The following AXDND1 variants were observed in gnomAD, a reference collection of about 807,000 sequenced individuals.
AXDND1 encodes the protein axonemal dynein light chain domain-containing protein 1.
AXDND1 carries 110 observed loss-of-function variants against 137.5 expected under a neutral mutation model. The observed-to-expected ratio is 0.80, with a 90% CI of 0.69 to 0.94. The LOEUF (loss-of-function observed/expected upper bound fraction) is 0.94, where lower values mean the gene tolerates loss of function less well. AXDND1 is among the 40% of genes least tolerant of loss of function. AXDND1 has a pLI of 0.00. For synonymous variants in AXDND1, 414 were observed against 399.7 expected, an observed-to-expected ratio of 1.04 and a Z score of -0.43; for missense variants, 1,191 against 1,169.8, an observed-to-expected ratio of 1.02 and a Z score of -0.26.
intron 20 of AXDND1, among the ~76,000 whole-genome samples, chr1:179,507,780 A>T (rs1668673125): frequency 5.1e-5 from 1 of 19,734 alleles, no homozygotes; most frequent in African/African-American, 8.7e-5. Context: ...AGCTTCATTA[A>T]AAAAAAAAAG....
chr1:179,509,415 A>G lies in AXDND1; in HGVS notation c.2496+12A>G, dbSNP rs766245504. On this transcript the variant is annotated intron_variant, in intron 21 of 25. Transcript: ENST00000367618. ...GGCTACTTGAAGAGGTATTTGCCAC[A>G]TGTTAGCGTTGGTCATTATTCAGAT... 14 of 1,496,412 alleles carry G rather than the reference A, an allele frequency of 9.4e-6. No individual in the cohort carries two copies. Among genetic ancestry groups the G allele is most frequent in the Non-Finnish European group, 1.2e-5 (13 of 1,075,370 alleles). The allele number at this position is 1,496,412 out of a possible 1,614,324, so 92.7% of individuals were successfully genotyped here. A position where few individuals can be genotyped will look rare whatever the true frequency, so the allele number is the denominator to read the frequency against.
chr1:179,475,113 T>A (rs1664449188), intron 17 of AXDND1, among the ~76,000 whole-genome samples: 1 of 152,192 alleles, frequency 6.6e-6, no homozygotes, highest in Non-Finnish European at 1.5e-5. Flanking sequence ...AGAGGATGTA[T>A]GGAAGTGCTT....
chr1:179,401,643 G>A (rs1652071415), intron 11 of AXDND1, among the ~76,000 whole-genome samples: 1 of 152,054 alleles, frequency 6.6e-6, no homozygotes, highest in African/African-American at 2.4e-5. Flanking sequence ...CACGTGTTGT[G>A]GGAGGGACTT....
intron 23 of AXDND1, among the ~76,000 whole-genome samples, chr1:179,532,591 G>A (rs1432929713): frequency 6.6e-6 from 1 of 152,070 alleles, no homozygotes; most frequent in East Asian, 1.9e-4. Flanking sequence ...TAGCATAAAA[G>A]GGAAGAAGTT....
intron 9 of AXDND1, 67 bp from the exon 10 acceptor site, chr1:179,393,836 T>C: frequency 6.9e-7 from 1 of 1,441,958 alleles, no homozygotes; most frequent in South Asian, 1.5e-5. Context: ...TACATTGATT[T>C]TGTAACCTGA....
In AXDND1 at chr1:179,378,567, A is replaced by C. The variant is rs921376938; in HGVS notation, c.375-70A>C. 4.0e-6 allele frequency: 5 copies of C among 1,247,648 alleles called. No homozygotes were observed. In the South Asian group the frequency reaches 5.7e-5, roughly 14 times the overall value. The allele number at this position is 1,247,648 out of a possible 1,614,324, so 77.3% of individuals were successfully genotyped here. A position where few individuals can be genotyped will look rare whatever the true frequency, so the allele number is the denominator to read the frequency against. On this transcript the variant is annotated intron_variant, in intron 4 of 25. Transcript: ENST00000367618. ...TTACCCATTAGAAGGATATGTGTGG[A>C]TCTCACCTGCTGTTATGTGGTATCC...
intron 20 of AXDND1, among the ~76,000 whole-genome samples, chr1:179,498,119 A>C (rs534923577): frequency 2.1e-3 from 316 of 151,792 alleles, no homozygotes; most frequent in Admixed American, 3.7e-3. Context: ...ATTCCTATCA[A>C]ACTATCAATG....
intron 17 of AXDND1, among the ~76,000 whole-genome samples, chr1:179,475,189 C>T (rs879267697): frequency 5.3e-5 from 8 of 152,184 alleles, no homozygotes; most frequent in Non-Finnish European, 8.8e-5. Context: ...TAGGGCAGTA[C>T]GAAAGGGAAA....
intron 16 of AXDND1, among the ~76,000 whole-genome samples, chr1:179,457,870 C>T (rs980922733): frequency 2.6e-5 from 4 of 152,138 alleles, no homozygotes; most frequent in African/African-American, 9.7e-5. Context: ...GCTGTTGTTA[C>T]TTGATTGACT....
chr1:179,429,873 A>G (rs963813424), intron 13 of AXDND1, among the ~76,000 whole-genome samples: 7 of 151,036 alleles, frequency 4.6e-5, no homozygotes, highest in Middle Eastern at 3.4e-3. Context: ...CTATTGATTC[A>G]TGGTTAAAGT....
chr1:179,534,323 C>T (rs1558313452), intron 24 of AXDND1, among the ~76,000 whole-genome samples: 1 of 152,178 alleles, frequency 6.6e-6, no homozygotes, highest in Non-Finnish European at 1.5e-5. Flanking sequence ...AAGCACATCT[C>T]AAGCTGGTTT....
chr1:179,527,251 T>C (rs1423031042), intron 22 of AXDND1, among the ~76,000 whole-genome samples: 4 of 152,130 alleles, frequency 2.6e-5, no homozygotes, highest in African/African-American at 7.2e-5. Context: ...ATGGCGCTGA[T>C]GGGAGTATAG....
intron 9 of AXDND1, among the ~76,000 whole-genome samples, chr1:179,392,439 T>C (rs905135979): frequency 5.3e-5 from 8 of 152,230 alleles, no homozygotes; most frequent in Admixed American, 3.3e-4. Context: ...TAAACATGCA[T>C]GTGCATGTGT....
chr1:179,424,867 A>G (rs1482888473), intron 12 of AXDND1, among the ~76,000 whole-genome samples: 1 of 152,104 alleles, frequency 6.6e-6, no homozygotes, highest in Admixed American at 6.5e-5. Context: ...CAGCAAATGT[A>G]TTTCTCAATT....
At chr1:179,484,994 C>G (rs1418378057) in intron 18 of AXDND1, among the ~76,000 whole-genome samples, 1 of 151,360 alleles carries the variant, frequency 6.6e-6, no homozygotes, top group East Asian at 1.9e-4. Flanking sequence ...GACCTGCCTC[C>G]CACCTTGTGC....
intron 17 of AXDND1, among the ~76,000 whole-genome samples, chr1:179,479,910 T>C (rs1397764725): frequency 6.6e-6 from 1 of 151,954 alleles, no homozygotes; most frequent in Non-Finnish European, 1.5e-5. Context: ...ATAACAAGAG[T>C]CTTCTTTGCT....
At chr1:179,482,654 T>C (rs1665558531) in intron 17 of AXDND1, among the ~76,000 whole-genome samples, 1 of 152,116 alleles carries the variant, frequency 6.6e-6, no homozygotes, top group African/African-American at 2.4e-5. Context: ...TAGATGTTTT[T>C]GGAACTTCTC....
rs543305423 is a variant in AXDND1, at chr1:179,436,883, A to G, written c.1563+4541A>G. Among the ~76,000 whole-genome samples, 18 of 152,278 alleles carry G rather than the reference A, an allele frequency of 1.2e-4. No individual in the cohort carries two copies. The South Asian group carries it at 3.7e-3, about 32-fold the overall frequency. On this transcript the variant is annotated intron_variant, in intron 15 of 25. Coordinates refer to ENST00000367618, the MANE Select transcript of AXDND1 (RefSeq NM_144696.6). ...AAAAAAAAAGTCTATGTTGAACACA[A>G]AAAGCTCGGTAGATATCAGCTTTAC...
intron 23 of AXDND1, among the ~76,000 whole-genome samples, chr1:179,529,372 C>G (rs1338616757): frequency 1.3e-5 from 2 of 152,228 alleles, no homozygotes; most frequent in Non-Finnish European, 2.9e-5. Flanking sequence ...TGGCCCCCTA[C>G]AAATTTGTTG....
Sources: gnomAD v4.1 joint callset for allele counts (sites outside exome capture counted in the v4.1 genomes callset) on GRCh38, gnomAD v4.1.1 for gene constraint, MANE v1.5 for transcripts, NCBI Gene and HGNC (gene_info 2026-07-23, HGNC 2026-07-21) for gene names.